EDARADD: variants seen among roughly 807,000 people sequenced by gnomAD.
EDARADD encodes EDAR associated via death domain, also known as ectodysplasin-A receptor-associated adapter protein.
EDARADD carries 20 observed loss-of-function variants against 25.6 expected under a neutral mutation model. That is an observed-to-expected ratio of 0.78 (90% CI 0.55 to 1.14). EDARADD has a LOEUF of 1.14. EDARADD is among the 50% of genes most tolerant of loss of function. The pLI, the probability that EDARADD is intolerant of heterozygous loss-of-function variation, is 0.00. For missense variants in EDARADD, 225 were observed against 270.1 expected, an observed-to-expected ratio of 0.83 and a Z score of 1.17; for synonymous variants, 86 against 94.4, an observed-to-expected ratio of 0.91 and a Z score of 0.52.
chr1:236,424,687 A>T (rs1231669888), intron 3 of EDARADD, among the ~76,000 whole-genome samples: 1 of 151,634 alleles, frequency 6.6e-6, no homozygotes, highest in Non-Finnish European at 1.5e-5. Context: ...GGGTGAATTA[A>T]CCCTTTTACT....
chr1:236,362,946 G>A (rs1159688878), intron 3 of EDARADD, among the ~76,000 whole-genome samples: 29 of 131,676 alleles, frequency 2.2e-4, no homozygotes, highest in African/African-American at 7.9e-4. Context: ...TCAGAGAATC[G>A]CTTGAGCCCA....
chr1:236,439,054 T>A (rs1658336786), intron 4 of EDARADD, among the ~76,000 whole-genome samples: 1 of 152,266 alleles, frequency 6.6e-6, no homozygotes, highest in African/African-American at 2.4e-5. Context: ...TTTTACTGTC[T>A]CCATACTTTT....
rs1659713781 is a variant in EDARADD, at chr1:236,482,704, A to G, written c.*55A>G. The G allele has an allele frequency of 1.2e-6, 2 of 1,604,952 alleles. No individual in the cohort carries two copies. Among genetic ancestry groups the G allele is most frequent in the Non-Finnish European group, 8.5e-7 (1 of 1,178,950 alleles). On this transcript the variant is annotated 3_prime_UTR_variant, in exon 6 of 6. Transcript: ENST00000334232. ...CGGATGTTGAAACAACCACAGGTCA[A>G]GAAGGAATGTGAATCTGTTGTTTTA...
rs577546853 is a variant in EDARADD, at chr1:236,355,986, T to C, written c.-6+5147T>C. Among the ~76,000 whole-genome samples the C allele has an allele frequency of 3.3e-5, 5 of 152,254 alleles. No individual in the cohort carries two copies. In the East Asian group the frequency reaches 9.6e-4, roughly 29 times the overall value. On this transcript the variant is annotated intron_variant, in intron 3 of 7. Transcript: ENST00000439430. ...ATCACAGGCAAAAAATATATATGTA[T>C]ATATTTTAAAAATAGAGTTTATTTT...
intron 4 of EDARADD, among the ~76,000 whole-genome samples, chr1:236,461,806 T>A (rs1329972146): frequency 6.6e-6 from 1 of 152,146 alleles, no homozygotes; most frequent in Non-Finnish European, 1.5e-5. Flanking sequence ...ATCCTCCCCA[T>A]AGTTTGCAAA....
At chr1:236,472,978 G>A (rs1185616411) in intron 5 of EDARADD, among the ~76,000 whole-genome samples, 2 of 152,114 alleles carry the variant, frequency 1.3e-5, no homozygotes, top group Admixed American at 6.6e-5. Flanking sequence ...TCTAGATAAA[G>A]AGCTCTTTTC....
intron 5 of EDARADD, among the ~76,000 whole-genome samples, chr1:236,480,544 C>T (rs1171093931): frequency 6.6e-6 from 1 of 152,068 alleles, no homozygotes; most frequent in African/African-American, 2.4e-5. Context: ...ACCAGAGTTA[C>T]TCCGTCGGTC....
At chr1:236,385,283 C>T (rs1377902172) in intron 3 of EDARADD, among the ~76,000 whole-genome samples, 1 of 151,484 alleles carries the variant, frequency 6.6e-6, no homozygotes, top group African/African-American at 2.4e-5. Context: ...GTGGTGGGTG[C>T]CTGTAGTCCC....
intron 1 of EDARADD, among the ~76,000 whole-genome samples, chr1:236,400,720 ATTTTTT>A (rs55864840): frequency 8.3e-6 from 1 of 121,180 alleles, no homozygotes; most frequent in African/African-American, 3.1e-5. Context: ...ACACCCGGCT[ATTTTTT>A]TTTTTTTTTT....
chr1:236,372,813 C>T (rs1667186767), intron 3 of EDARADD, among the ~76,000 whole-genome samples: 1 of 151,444 alleles, frequency 6.6e-6, no homozygotes, highest in African/African-American at 2.4e-5. Flanking sequence ...GGAATTGGCT[C>T]ATTTCATCTA....
chr1:236,422,886 C>T (rs1657817130), intron 3 of EDARADD, among the ~76,000 whole-genome samples: 1 of 152,182 alleles, frequency 6.6e-6, no homozygotes, highest in South Asian at 2.1e-4. Flanking sequence ...TGACCCAAGG[C>T]ATAATGGACA....
At chr1:236,375,058 T>C (rs564753848) in intron 3 of EDARADD, among the ~76,000 whole-genome samples, 1 of 152,176 alleles carries the variant, frequency 6.6e-6, no homozygotes, top group South Asian at 2.1e-4. Context: ...TCTTAGTATA[T>C]CTGTTATACT....
chr1:236,376,161 C>CTG (rs1364927514), intron 3 of EDARADD, among the ~76,000 whole-genome samples: 1 of 152,006 alleles, frequency 6.6e-6, no homozygotes, highest in Non-Finnish European at 1.5e-5. Context: ...TTTTGAACTC[C>CTG]TGACCAAAGG....
At chr1:236,447,803 G>A (rs372660573) in intron 4 of EDARADD, among the ~76,000 whole-genome samples, 6 of 151,904 alleles carry the variant, frequency 3.9e-5, no homozygotes, top group African/African-American at 7.3e-5. Flanking sequence ...TCTGGTCCTC[G>A]ACTGCACATT....
chr1:236,405,459 G>C (rs919236059), intron 1 of EDARADD, among the ~76,000 whole-genome samples: 1 of 152,160 alleles, frequency 6.6e-6, no homozygotes, highest in Admixed American at 6.5e-5. Flanking sequence ...CTGAGTGTGG[G>C]ATCCGGAGAC....
At chr1:236,386,819 G>GGT (rs1667358743) in intron 3 of EDARADD, among the ~76,000 whole-genome samples, 1 of 74,602 alleles carries the variant, frequency 1.3e-5, no homozygotes. Context: ...CCGGGAGGGA[G>GGT]GTGGGGGGGG....
chr1:236,401,461 C>T (rs1347346396), intron 1 of EDARADD, among the ~76,000 whole-genome samples: 1 of 152,170 alleles, frequency 6.6e-6, no homozygotes, highest in East Asian at 1.9e-4. Context: ...TGCGGCAGTG[C>T]AGTCCTCGGC....
chr1:236,420,399 C>G (rs2103013319), intron 3 of EDARADD, among the ~76,000 whole-genome samples: 1 of 152,260 alleles, frequency 6.6e-6, no homozygotes, highest in East Asian at 1.9e-4. Context: ...GCCTTGAATT[C>G]TGTGACTAAA....
chr1:236,377,715 G>T (rs1194397493), intron 3 of EDARADD, among the ~76,000 whole-genome samples: 1 of 151,570 alleles, frequency 6.6e-6, no homozygotes. Flanking sequence ...AAAATTAGCT[G>T]GGCATGGTGG....
Sources: gnomAD v4.1 joint callset for allele counts (sites outside exome capture counted in the v4.1 genomes callset) on GRCh38, gnomAD v4.1.1 for gene constraint, MANE v1.5 for transcripts, NCBI Gene and HGNC (gene_info 2026-07-23, HGNC 2026-07-21) for gene names.